The following BCAS3 variants were observed in gnomAD, a reference collection of about 807,000 sequenced individuals.
The protein encoded by BCAS3 is BCAS4/BCAS3 fusion.
Under a neutral mutation model 116.1 loss-of-function variants are expected in BCAS3, and 53 were observed. That is an observed-to-expected ratio of 0.46 (90% CI 0.37 to 0.57). The LOEUF (loss-of-function observed/expected upper bound fraction) is 0.57. Ranked by LOEUF, BCAS3 falls within the 20% of genes least tolerant of loss-of-function variation. BCAS3 has a pLI of 0.00. For missense variants in BCAS3, 917 were observed against 1,165.4 expected, an observed-to-expected ratio of 0.79 and a Z score of 3.10; for synonymous variants, 391 against 408.2, an observed-to-expected ratio of 0.96 and a Z score of 0.51.
At chr17:60,702,680 C>T (rs1015344036) in intron 4 of BCAS3, among the ~76,000 whole-genome samples, 7 of 152,130 alleles carry the variant, frequency 4.6e-5, no homozygotes, top group African/African-American at 1.7e-4. Flanking sequence ...GCCTCCACCT[C>T]TGGGGCTCAA....
intron 7 of BCAS3, among the ~76,000 whole-genome samples, chr17:60,837,909 C>T (rs2144747955): frequency 6.6e-6 from 1 of 152,218 alleles, no homozygotes; most frequent in Non-Finnish European, 1.5e-5. Flanking sequence ...CGTTGGCCTC[C>T]CAAAGTGCTG....
chr17:61,264,662 C>A (rs1165526820), intron 22 of BCAS3, among the ~76,000 whole-genome samples: 2 of 152,208 alleles, frequency 1.3e-5, no homozygotes, highest in African/African-American at 4.8e-5. Context: ...CCCACCTCGG[C>A]CTCCCGAAGT....
rs905608788 is a variant in BCAS3, at chr17:61,139,328, T to C, written c.2425+54764T>C. 2.0e-5 allele frequency among the ~76,000 whole-genome samples: 3 copies of C among 152,212 alleles called. No homozygotes were observed. Among genetic ancestry groups the C allele is most frequent in the Non-Finnish European group, 4.4e-5 (3 of 68,032 alleles). Reference sequence around the variant, plus strand: ...CTTCTTTAAGGAAGTGCGAGAAGGTTAAAGATGTCTGTGATCTGGCCAAAC... The same window carrying C: ...CTTCTTTAAGGAAGTGCGAGAAGGTCAAAGATGTCTGTGATCTGGCCAAAC... On this transcript the variant is annotated intron_variant, in intron 22 of 23. Coordinates refer to ENST00000407086, the MANE Select transcript of BCAS3 (RefSeq NM_017679.5). This position sits in a 1 kb window ranked among gnomAD's most constrained non-coding sequence, Gnocchi z 4.7.
intron 22 of BCAS3, among the ~76,000 whole-genome samples, chr17:61,321,942 G>A (rs570817813): frequency 6.6e-6 from 1 of 151,238 alleles, no homozygotes; most frequent in African/African-American, 2.4e-5. Flanking sequence ...TTGTTTGTTT[G>A]TTTTTTTTGA....
At chr17:60,849,680 C>T (rs2052888394) in intron 7 of BCAS3, among the ~76,000 whole-genome samples, 1 of 152,150 alleles carries the variant, frequency 6.6e-6, no homozygotes, top group Admixed American at 6.5e-5. Flanking sequence ...GTGGCTCATG[C>T]TTGTAATCCC....
chr17:60,942,824 T>C (rs1181437190), intron 13 of BCAS3, among the ~76,000 whole-genome samples: 2 of 152,220 alleles, frequency 1.3e-5, no homozygotes, highest in Admixed American at 6.5e-5. Flanking sequence ...TAAATGCTTA[T>C]ACTAATGTGA....
intron 5 of BCAS3, among the ~76,000 whole-genome samples, chr17:60,719,037 GGGCGACAGAGCGAGGCTCT>G (rs1030268865): frequency 7.2e-5 from 11 of 152,150 alleles, no homozygotes; most frequent in Non-Finnish European, 1.3e-4. Context: ...ACTCCAGCCT[GGGCGACAGAGCGAGGCTCT>G]GTCTCAAAAA....
rs77810220 is a variant in BCAS3 at position 61,279,619 on chromosome 17, G to T, written c.2426-88708G>T. ...TGACTGTACACCAGGCCTCATCACT[G>T]CCTTGGGATAAGCATATATTACATT... On this transcript the variant is annotated intron_variant, in intron 22 of 23. Transcript: ENST00000407086. The surrounding 1 kb of genome is among the most constrained non-coding windows in gnomAD (Gnocchi z 4.4). Among the ~76,000 whole-genome samples the T allele has an allele frequency of 0.055, 8,422 of 152,164 alleles. 278 individuals are homozygous for T. Among genetic ancestry groups the T allele is most frequent in the African/African-American group, 0.11 (4,367 of 41,502 alleles).
chr17:61,318,782 C>A (rs1037399784), intron 22 of BCAS3, among the ~76,000 whole-genome samples: 1 of 152,162 alleles, frequency 6.6e-6, no homozygotes, highest in Non-Finnish European at 1.5e-5. Flanking sequence ...GAAGTTGGTC[C>A]CATCATGTTA....
At chr17:60,972,938 A>G (rs2062055116) in intron 14 of BCAS3, among the ~76,000 whole-genome samples, 1 of 152,162 alleles carries the variant, frequency 6.6e-6, no homozygotes, top group Non-Finnish European at 1.5e-5. Context: ...TATCTTTATG[A>G]TAACTCTCTT....
At chr17:60,867,530 A>C (rs1380226915) in intron 7 of BCAS3, among the ~76,000 whole-genome samples, 4 of 152,238 alleles carry the variant, frequency 2.6e-5, no homozygotes, top group African/African-American at 4.8e-5. Flanking sequence ...ATTTTTAAAA[A>C]AATTTTACTA....
chr17:60,822,112 C>A (rs2144685592), intron 7 of BCAS3, among the ~76,000 whole-genome samples: 1 of 152,304 alleles, frequency 6.6e-6, no homozygotes. Flanking sequence ...ATTTCCTTTT[C>A]TCTTGACCAG....
chr17:60,715,135 T>G (rs542291930), intron 5 of BCAS3, among the ~76,000 whole-genome samples: 7 of 139,290 alleles, frequency 5.0e-5, no homozygotes, highest in Admixed American at 4.2e-4. Context: ...TCTCTTTCTT[T>G]TTTTTTTTTT....
chr17:61,143,821 TAAAA>T (rs1308509396), intron 22 of BCAS3, among the ~76,000 whole-genome samples: 2 of 151,882 alleles, frequency 1.3e-5, no homozygotes, highest in Non-Finnish European at 2.9e-5. Context: ...AAAAATAAAA[TAAAA>T]TAAATAAAGT....
Position 61,362,885 on chromosome 17 carries a change from C to CA in BCAS3, c.2426-5442_2426-5441insA, listed in dbSNP as rs2058525461. ...CACTTATCTTCTTCTTCCTTCCTCTCTTTTAATTTTAACTCCACTTTCTGC... is the reference window on the plus strand; with the variant it reads ...CACTTATCTTCTTCTTCCTTCCTCTCATTTTAATTTTAACTCCACTTTCTGC... On this transcript the variant is annotated intron_variant, in intron 22 of 23. Coordinates refer to ENST00000407086, the MANE Select transcript of BCAS3 (RefSeq NM_017679.5). This position sits in a 1 kb window ranked among gnomAD's most constrained non-coding sequence, Gnocchi z 4.4. 1 of 152,330 alleles carries CA rather than the reference C, an allele frequency of 6.6e-6. No individual in the cohort carries two copies. The highest frequency in any genetic ancestry group is 1.5e-5 in the Non-Finnish European group (1 of 68,032). The allele number at this position is 152,330 out of a possible 1,614,324, so 9.4% of individuals were successfully genotyped here.
At chr17:60,855,730 C>G (rs189069352) in intron 7 of BCAS3, among the ~76,000 whole-genome samples, 2 of 151,940 alleles carry the variant, frequency 1.3e-5, no homozygotes, top group East Asian at 3.9e-4. Context: ...TGTCACCCAG[C>G]CTGGAGTGCA....
In BCAS3 at chr17:60,886,704, G is replaced by A. The variant is rs865786187; in HGVS notation, c.662-2991G>A. On this transcript the variant is annotated intron_variant, in intron 9 of 23. Coordinates refer to ENST00000407086, the MANE Select transcript of BCAS3 (RefSeq NM_017679.5). The stretch of plus-strand genomic sequence containing the variant: ...TGCAGGTCTGTTGGAATAACCTGCC[G>A]TGTGAGGTGTCAGTGTGCTCCTGCT... 5.8e-4 allele frequency among the ~76,000 whole-genome samples: 88 copies of A among 152,180 alleles called. 1 individual carries two copies. The highest frequency in any genetic ancestry group is 3.4e-3 in the Middle Eastern group (1 of 294).
At chr17:60,820,182 C>T (rs1048382971) in intron 7 of BCAS3, among the ~76,000 whole-genome samples, 11 of 152,018 alleles carry the variant, frequency 7.2e-5, no homozygotes, top group African/African-American at 2.7e-4. Context: ...GCCATTCTGC[C>T]TCAGCCTCCC....
chr17:60,735,393 T>G (rs978457149), intron 5 of BCAS3, among the ~76,000 whole-genome samples: 1 of 147,254 alleles, frequency 6.8e-6, no homozygotes, highest in Non-Finnish European at 1.5e-5. Context: ...CTGATCTTAG[T>G]GGAACTGCTT....
Sources: gnomAD v4.1 joint callset for allele counts (sites outside exome capture counted in the v4.1 genomes callset) on GRCh38, gnomAD v4.1.1 for gene constraint, Gnocchi (gnomAD v3.1) non-coding constraint, MANE v1.5 for transcripts, NCBI Gene and HGNC (gene_info 2026-07-23, HGNC 2026-07-21) for gene names.